The following RERG variants were observed in gnomAD, a reference collection of about 807,000 sequenced individuals.
The protein encoded by RERG is ras-related and estrogen-regulated growth inhibitor.
RERG carries 25 observed loss-of-function variants against 23.2 expected under a neutral mutation model. The observed-to-expected ratio is 1.08, with a 90% CI of 0.79 to 1.50. The LOEUF is 1.50. Ranked by LOEUF, RERG falls within the 40% of genes most tolerant of loss-of-function variation. The pLI, the probability that RERG is intolerant of heterozygous loss-of-function variation, is 0.00. For missense variants in RERG, 253 were observed against 250.1 expected, an observed-to-expected ratio of 1.01 and a Z score of -0.08; for synonymous variants, 81 against 89.1, an observed-to-expected ratio of 0.91 and a Z score of 0.51.
chr12:15,213,261 G>C (rs1054002945), intron 2 of RERG, among the ~76,000 whole-genome samples: 1 of 152,072 alleles, frequency 6.6e-6, no homozygotes, highest in Non-Finnish European at 1.5e-5. Flanking sequence ...TGAATAATAC[G>C]ACTACAAGAA....
At chr12:15,175,431 T>G (rs918250465) in intron 2 of RERG, among the ~76,000 whole-genome samples, 1 of 147,076 alleles carries the variant, frequency 6.8e-6, no homozygotes, top group African/African-American at 2.5e-5. Flanking sequence ...TTACAAACTC[T>G]ACCCTAGACT....
At position 15,111,328 on chromosome 12, in the gene RERG, T is replaced by C; in HGVS notation, c.192+16A>G. On this transcript the variant is annotated intron_variant, in intron 4 of 4. Transcript: ENST00000256953. ...ATTTGATCCAGAAAAATATTTTAGC[T>C]GAACTCTTTATTCACCTGACCAGCA... 2 of 1,580,232 alleles carry C rather than the reference T, an allele frequency of 1.3e-6. No homozygotes were observed. Among genetic ancestry groups the C allele is most frequent in the Admixed American group, 1.7e-5 (1 of 57,726 alleles).
intron 2 of RERG, among the ~76,000 whole-genome samples, chr12:15,181,469 G>T (rs746908860): frequency 2.0e-5 from 3 of 152,194 alleles, no homozygotes; most frequent in Non-Finnish European, 2.9e-5. Flanking sequence ...TGACAGTGTA[G>T]GGTGTTGGCA....
At chr12:15,161,226 GAAAC>G (rs1168236153) in intron 2 of RERG, among the ~76,000 whole-genome samples, 1,377 of 123,528 alleles carry the variant, frequency 0.011, 59 homozygotes, top group East Asian at 0.019. Flanking sequence ...AAGAAAGAAA[GAAAC>G]AGGGGCATCA....
intron 2 of RERG, among the ~76,000 whole-genome samples, chr12:15,188,591 T>C (rs1045732337): frequency 1.3e-5 from 2 of 152,010 alleles, no homozygotes; most frequent in African/African-American, 4.8e-5. Context: ...AAAGATGTAA[T>C]ATATTTTTCA....
At chr12:15,126,367 T>C (rs1363260015) in intron 2 of RERG, among the ~76,000 whole-genome samples, 1 of 151,984 alleles carries the variant, frequency 6.6e-6, no homozygotes, top group Non-Finnish European at 1.5e-5. Context: ...ACCAACACTA[T>C]TCCCTTAATT....
intron 2 of RERG, among the ~76,000 whole-genome samples, chr12:15,216,112 C>A (rs1865437795): frequency 6.6e-6 from 1 of 152,120 alleles, no homozygotes; most frequent in Non-Finnish European, 1.5e-5. Flanking sequence ...CACTGCCTTC[C>A]CTCCATCCTC....
chr12:15,196,473 C>T (rs1865145797), intron 2 of RERG, among the ~76,000 whole-genome samples: 1 of 152,132 alleles, frequency 6.6e-6, no homozygotes, highest in Admixed American at 6.6e-5. Context: ...GATGCAACCT[C>T]AAGCTAGGGC....
intron 2 of RERG, among the ~76,000 whole-genome samples, chr12:15,175,333 CTGTGTGTGTGTGTGTGTGTGTGTGTG>C (rs532399275): frequency 3.6e-5 from 4 of 112,178 alleles, no homozygotes; most frequent in African/African-American, 7.0e-5. Flanking sequence ...CTCTCAGGCT[CTGTGTGTGTGTGTGTGTGTGTGTGTG>C]TGTGTGTGTG....
chr12:15,127,861 A>C (rs1863975106), intron 2 of RERG, among the ~76,000 whole-genome samples: 2 of 152,202 alleles, frequency 1.3e-5, no homozygotes. Context: ...TATATATTAA[A>C]TACTGACTTT....
rs145401965 is a variant in RERG, at chr12:15,135,624, A to C, written c.62-14505T>G. 6.5e-3 allele frequency among the ~76,000 whole-genome samples: 988 copies of C among 152,248 alleles called. 20 individuals carry two copies. The highest frequency in any genetic ancestry group is 0.053 in the East Asian group (272 of 5,178). On this transcript the variant is annotated intron_variant, in intron 2 of 4. Coordinates refer to ENST00000256953, the MANE Select transcript of RERG (RefSeq NM_032918.3). ...AGTTTTTATCACCCATTAGGGTGTT[A>C]AGATTTTGTCAAATGCTTTTTCTGT...
At chr12:15,197,694 A>G (rs147759466) in intron 2 of RERG, among the ~76,000 whole-genome samples, 1 of 152,300 alleles carries the variant, frequency 6.6e-6, no homozygotes, top group East Asian at 1.9e-4. Context: ...CCTCAAACCT[A>G]GACAATAAAA....
At chr12:15,134,019 T>G (rs1273249541) in intron 2 of RERG, among the ~76,000 whole-genome samples, 1 of 152,150 alleles carries the variant, frequency 6.6e-6, no homozygotes, top group Non-Finnish European at 1.5e-5. Context: ...AATTATGTCT[T>G]TGGCCAATAT....
intron 2 of RERG, among the ~76,000 whole-genome samples, chr12:15,212,588 T>C (rs1379868474): frequency 6.6e-6 from 1 of 152,140 alleles, no homozygotes; most frequent in East Asian, 1.9e-4. Context: ...TTGAAAACAA[T>C]ATTCAGAAAG....
intron 4 of RERG, 45 bp from the exon 5 acceptor site, chr12:15,109,562 A>G: frequency 6.9e-7 from 1 of 1,455,546 alleles, no homozygotes; most frequent in Non-Finnish European, 9.4e-7. Flanking sequence ...GGAAATAATC[A>G]AAATATATGG....
intron 2 of RERG, among the ~76,000 whole-genome samples, chr12:15,125,103 A>G (rs1863914250): frequency 6.6e-6 from 1 of 152,022 alleles, no homozygotes; most frequent in Non-Finnish European, 1.5e-5. Context: ...ATAGTTACCT[A>G]TAAGTTGTAT....
chr12:15,165,185 A>G (rs1414911852), intron 2 of RERG, among the ~76,000 whole-genome samples: 1 of 152,208 alleles, frequency 6.6e-6, no homozygotes, highest in Non-Finnish European at 1.5e-5. Context: ...TGCATTAGTC[A>G]TAGCAGCATG....
At chr12:15,154,846 T>C (rs1864498791) in intron 2 of RERG, among the ~76,000 whole-genome samples, 1 of 151,178 alleles carries the variant, frequency 6.6e-6, no homozygotes, top group Non-Finnish European at 1.5e-5. Context: ...TGTATTAAAC[T>C]TTAAAAGGGT....
At chr12:15,116,697 G>A (rs901673956) in intron 3 of RERG, among the ~76,000 whole-genome samples, 4 of 151,912 alleles carry the variant, frequency 2.6e-5, no homozygotes, top group Admixed American at 6.6e-5. Context: ...AGTATTGCCC[G>A]AAAAGGTAAA....
Sources: allele counts gnomAD v4.1 joint callset (sites outside exome capture counted in the v4.1 genomes callset), GRCh38; gene constraint gnomAD v4.1.1; transcripts MANE v1.5; gene names NCBI Gene and HGNC (gene_info 2026-07-23, HGNC 2026-07-21).